The following IKZF1 variants were observed in gnomAD, a reference collection of about 807,000 sequenced individuals.
IKZF1 encodes the protein IKAROS family zinc finger 1, also known as DNA-binding protein Ikaros.
Under a neutral mutation model 51.7 loss-of-function variants are expected in IKZF1, and 10 were observed. The observed-to-expected ratio is 0.19, with a 90% CI of 0.12 to 0.33. IKZF1 has a LOEUF of 0.33. Ranked by LOEUF, IKZF1 falls within the 10% of genes least tolerant of loss-of-function variation. The pLI is 1.00. For synonymous variants in IKZF1, 280 were observed against 282.3 expected, an observed-to-expected ratio of 0.99 and a Z score of 0.08; for missense variants, 484 against 707.5, an observed-to-expected ratio of 0.68 and a Z score of 3.58.
In IKZF1 at chr7:50,402,043, G is replaced by A. The variant is rs1818217718; in HGVS notation, c.*1416G>A. ...AAAGAGGAGGCAAATGGCACTGCAG[G>A]TGAGAACCCCGCCCATCCGTGCTAT... On this transcript the variant is annotated 3_prime_UTR_variant, in exon 8 of 8. Transcript: ENST00000331340. 1 of 230,218 alleles carries A rather than the reference G, an allele frequency of 4.3e-6. No homozygotes were observed. Among genetic ancestry groups the A allele is most frequent in the East Asian group, 6.1e-5 (1 of 16,298 alleles). 14.3% of individuals were successfully genotyped at this position (230,218 alleles called of 1,614,324 possible). A position where few individuals can be genotyped will look rare whatever the true frequency, so the allele number is the denominator to read the frequency against.
At chr7:50,382,071 T>C (rs1328455648) in intron 4 of IKZF1, among the ~76,000 whole-genome samples, 2 of 152,222 alleles carry the variant, frequency 1.3e-5, no homozygotes, top group Non-Finnish European at 2.9e-5. Flanking sequence ...AATATAAGAA[T>C]GTAACGCTGA....
intron 3 of IKZF1, among the ~76,000 whole-genome samples, chr7:50,363,700 G>A (rs936592234): frequency 1.3e-5 from 2 of 152,206 alleles, no homozygotes; most frequent in Non-Finnish European, 2.9e-5. Flanking sequence ...CTAGAGGGTG[G>A]TCTAAAAACA....
chr7:50,384,502 G>A (rs1260408165), intron 5 of IKZF1, among the ~76,000 whole-genome samples: 1 of 152,276 alleles, frequency 6.6e-6, no homozygotes, highest in Admixed American at 6.5e-5. Flanking sequence ...GGGGGGCCAT[G>A]GAGTGGGACA....
At chr7:50,303,673 G>A (rs1484168522), upstream of IKZF1, among the ~76,000 whole-genome samples, 1 of 152,108 alleles carries the variant, frequency 6.6e-6, no homozygotes, top group East Asian at 1.9e-4. This position sits in a 1 kb window ranked among gnomAD's most constrained non-coding sequence, Gnocchi z 4.7. Context: ...AGGGGCCCCA[G>A]TTCCAGGGAC....
chr7:50,356,872 G>A (rs1168938776), intron 3 of IKZF1, among the ~76,000 whole-genome samples: 16 of 151,974 alleles, frequency 1.1e-4, no homozygotes, highest in South Asian at 2.1e-4. Context: ...AGGGTGGGAC[G>A]GTGTCTCTGG....
At chr7:50,369,756 G>A in intron 3 of IKZF1, 2 of 394,866 alleles carry the variant, frequency 5.1e-6, no homozygotes, top group Non-Finnish European at 4.5e-6. Flanking sequence ...GAAAGAAAAT[G>A]CCTATTGCTC....
chr7:50,327,639 G>C lies in IKZF1; in HGVS notation c.42G>C (p.Gly14=), dbSNP rs1379261020. ...CTCACACTTCTTCTTTCTCATCAGG[G>C]AAGGAAAGCCCCCCTGTAAGCGATA... ...DEGQDMSQVS[G]KESPPVSDTP... Residue 14 remains glycine (G), a splice_region_variant and synonymous_variant, in exon 3 of 8, where the codon GGG becomes GGC. Coordinates refer to ENST00000331340, the MANE Select transcript of IKZF1 (RefSeq NM_006060.6). 1 of 1,610,532 alleles carries C rather than the reference G, an allele frequency of 6.2e-7. No individual in the cohort carries two copies. Among genetic ancestry groups the C allele is most frequent in the Non-Finnish European group, 8.5e-7 (1 of 1,178,268 alleles).
intron 3 of IKZF1, among the ~76,000 whole-genome samples, chr7:50,333,397 T>C (rs983452489): frequency 1.2e-3 from 178 of 152,028 alleles, no homozygotes; most frequent in Non-Finnish European, 2.2e-3. Context: ...GGAGCGGTGC[T>C]GGGGACAGCT....
At chr7:50,375,598 A>G (rs890916408) in intron 3 of IKZF1, among the ~76,000 whole-genome samples, 1 of 152,184 alleles carries the variant, frequency 6.6e-6, no homozygotes, top group Non-Finnish European at 1.5e-5. Context: ...CTTTAGGAAG[A>G]AAAATATTCA....
intron 3 of IKZF1, among the ~76,000 whole-genome samples, chr7:50,360,231 C>T (rs1296462167): frequency 5.3e-5 from 8 of 151,958 alleles, no homozygotes; most frequent in African/African-American, 1.9e-4. Context: ...GAAGCAGGGC[C>T]TGGGCTTCTG....
chr7:50,355,331 T>C (rs1802998910), intron 3 of IKZF1, among the ~76,000 whole-genome samples: 1 of 152,292 alleles, frequency 6.6e-6, no homozygotes, highest in Admixed American at 6.5e-5. Flanking sequence ...TGCAGAGTGG[T>C]CATCATTATC....
chr7:50,305,070 G>C (rs767005626), intron 1 of IKZF1, 148 bp downstream of exon 1: 5 of 152,506 alleles, frequency 3.3e-5, no homozygotes, highest in Non-Finnish European at 7.3e-5. Flanking sequence ...CAGTGAGAGA[G>C]TTCACTTCTG....
Position 50,390,514 on chromosome 7 carries a change from A to G in IKZF1, c.716-1215A>G, listed in dbSNP as rs115427635. Among the ~76,000 whole-genome samples, 501 of 152,358 alleles carry G rather than the reference A, an allele frequency of 3.3e-3. 2 individuals carry two copies. Among genetic ancestry groups the G allele is most frequent in the African/African-American group, 0.011 (477 of 41,578 alleles). Reference sequence around the variant, plus strand: ...ATATGTTTTCAAAGTAACATTCATAATAGCAATGAAGACATAAATACTTAG... The same window carrying G: ...ATATGTTTTCAAAGTAACATTCATAGTAGCAATGAAGACATAAATACTTAG... On this transcript the variant is annotated intron_variant, in intron 6 of 7. Coordinates refer to ENST00000331340, the MANE Select transcript of IKZF1 (RefSeq NM_006060.6).
At position 50,401,639 on chromosome 7, in the gene IKZF1, T is replaced by C. The variant is rs1409244342; in HGVS notation, c.*1012T>C. 1 of 220,452 alleles carries C rather than the reference T, an allele frequency of 4.5e-6. No homozygotes were observed. Among genetic ancestry groups the C allele is most frequent in the Non-Finnish European group, 9.1e-6 (1 of 109,934 alleles). The allele number at this position is 220,452 out of a possible 1,614,324, so 13.7% of individuals were successfully genotyped here. On this transcript the variant is annotated 3_prime_UTR_variant, in exon 8 of 8. Transcript: ENST00000331340. ...GGCCTCTTTTCCTGAAGAAATCCAATCCTAGCCCTCATTTTAATTATGTAC... is the reference window on the plus strand; with the variant it reads ...GGCCTCTTTTCCTGAAGAAATCCAACCCTAGCCCTCATTTTAATTATGTAC...
chr7:50,318,594 G>T (rs751630976), intron 1 of IKZF1: 6 of 218,302 alleles, frequency 2.7e-5, no homozygotes, highest in Non-Finnish European at 5.5e-5. Context: ...TCAGCAAATT[G>T]CTTCGTTTTT....
intron 3 of IKZF1, among the ~76,000 whole-genome samples, chr7:50,334,786 G>A (rs1797250082): frequency 6.6e-6 from 1 of 151,158 alleles, no homozygotes; most frequent in Non-Finnish European, 1.5e-5. Flanking sequence ...CATGTGATGT[G>A]TATATGTGTG....
Position 50,400,775 on chromosome 7 carries a change from A to T in IKZF1, c.*148A>T. On this transcript the variant is annotated 3_prime_UTR_variant, in exon 8 of 8. Transcript: ENST00000331340. The surrounding 1 kb of genome is among the most constrained non-coding windows in gnomAD (Gnocchi z 5.4). ...GTAACTGTTTTTTGTTTTTTGTTTG[A>T]GTTGGTTGATTGGGGTTTGATTTGC... 9.4e-7 allele frequency: 1 copy of T among 1,066,170 alleles called. No individual in the cohort carries two copies. Among genetic ancestry groups the T allele is most frequent in the East Asian group, 2.6e-5 (1 of 38,328 alleles). 66.0% of individuals were successfully genotyped at this position (1,066,170 alleles called of 1,614,324 possible). A position where few individuals can be genotyped will look rare whatever the true frequency, so the allele number is the denominator to read the frequency against.
chr7:50,357,348 A>AC lies in IKZF1; in HGVS notation c.161-19178dup, dbSNP rs1237769853. Among the ~76,000 whole-genome samples, 29 of 62,318 alleles carry AC rather than the reference A, an allele frequency of 4.7e-4. 1 individual carries two copies. Among genetic ancestry groups the AC allele is most frequent in the African/African-American group, 1.4e-3 (22 of 16,108 alleles). The allele number at this position is 62,318 out of a possible 152,430, so 40.9% of individuals were successfully genotyped here. A position where few individuals can be genotyped will look rare whatever the true frequency, so the allele number is the denominator to read the frequency against. ...TCTCTGAGCCAGCCACCACCCCACC[A>AC]CCCCCCCACCGCCAAGTCCACTGCT... On this transcript the variant is annotated intron_variant, in intron 3 of 7. Coordinates refer to ENST00000331340, the MANE Select transcript of IKZF1 (RefSeq NM_006060.6).
intron 3 of IKZF1, among the ~76,000 whole-genome samples, chr7:50,356,019 G>T (rs1334303666): frequency 6.6e-6 from 1 of 152,184 alleles, no homozygotes; most frequent in Non-Finnish European, 1.5e-5. Flanking sequence ...TGCCACAGAT[G>T]GGTTAATTCA....
Sources: allele counts gnomAD v4.1 joint callset (sites outside exome capture counted in the v4.1 genomes callset), GRCh38; gene constraint gnomAD v4.1.1; non-coding constraint Gnocchi (gnomAD v3.1); transcripts MANE v1.5; gene names NCBI Gene and HGNC (gene_info 2026-07-23, HGNC 2026-07-21).